PTBP3: variants seen among roughly 807,000 people sequenced by gnomAD.
The protein encoded by PTBP3 is polypyrimidine tract binding protein 3.
Under a neutral mutation model 58.7 loss-of-function variants are expected in PTBP3, and 20 were observed. The ratio of observed to expected loss-of-function variants is 0.34; its 90% CI spans 0.24 to 0.50. The LOEUF is 0.50. Ranked by LOEUF, PTBP3 falls within the 20% of genes least tolerant of loss-of-function variation. PTBP3 has a pLI of 0.98. For missense variants in PTBP3, 509 were observed against 637.2 expected (o/e 0.80, Z 2.17); for synonymous variants, 185 against 219.8 (o/e 0.84, Z 1.40).
At chr9:112,292,316 C>T (rs1828470225) in intron 2 of PTBP3, among the ~76,000 whole-genome samples, 1 of 152,168 alleles carries the variant, frequency 6.6e-6, no homozygotes. Context: ...ACTGAAACCC[C>T]TGTGTACCAC....
At chr9:112,260,741 T>C (rs1836560802) in intron 5 of PTBP3, among the ~76,000 whole-genome samples, 1 of 152,050 alleles carries the variant, frequency 6.6e-6, no homozygotes, top group Non-Finnish European at 1.5e-5. Flanking sequence ...AAGTCTGCAT[T>C]TGGGGGCCTT....
chr9:112,270,018 C>A (rs1827305096), intron 3 of PTBP3, among the ~76,000 whole-genome samples: 1 of 151,116 alleles, frequency 6.6e-6, no homozygotes, highest in Non-Finnish European at 1.5e-5. Flanking sequence ...CATCTCGGCT[C>A]ACTATACCCT....
In PTBP3 at chr9:112,224,744, G is replaced by A. The variant is rs564316903; in HGVS notation, c.1365-534C>T. On this transcript the variant is annotated intron_variant, in intron 12 of 13. Transcript: ENST00000374257. ...ACAGGTATCCTCTGTAAACACTTTG[G>A]ATACTGTAGAAATGACAATGTGTGA... is the stretch of plus-strand genomic sequence containing the variant. Among the ~76,000 whole-genome samples the A allele has an allele frequency of 2.0e-5, 3 of 152,256 alleles. No homozygotes were observed. The South Asian group carries it at 6.2e-4, about 32-fold the overall frequency.
intron 1 of PTBP3, among the ~76,000 whole-genome samples, chr9:112,308,351 T>A (rs1308012821): frequency 1.5e-5 from 2 of 135,142 alleles, no homozygotes; most frequent in South Asian, 2.3e-4. Context: ...TCCTTTTATT[T>A]AAAAAAAAAA....
At chr9:112,282,916 T>C (rs756103259) in intron 2 of PTBP3, among the ~76,000 whole-genome samples, 2 of 152,030 alleles carry the variant, frequency 1.3e-5, no homozygotes, top group African/African-American at 2.4e-5. Flanking sequence ...TGGGGGTGGT[T>C]TCCCCCATGC....
intron 1 of PTBP3, among the ~76,000 whole-genome samples, chr9:112,311,309 T>C (rs1419438560): frequency 1.3e-5 from 2 of 152,196 alleles, no homozygotes; most frequent in South Asian, 2.1e-4. Flanking sequence ...TGTATAAACA[T>C]GTACAGACTT....
intron 2 of PTBP3, among the ~76,000 whole-genome samples, chr9:112,280,757 CTGTG>C (rs936244449): frequency 2.3e-4 from 16 of 69,748 alleles, no homozygotes; most frequent in African/African-American, 6.0e-4. Context: ...ACGTGTGTGT[CTGTG>C]TGTGTATGTG....
intron 7 of PTBP3, among the ~76,000 whole-genome samples, chr9:112,238,106 T>TC (rs1293208307): frequency 3.1e-4 from 47 of 149,982 alleles, no homozygotes; most frequent in Admixed American, 2.4e-3. Flanking sequence ...ATCCCCACCC[T>TC]CCCCCACAAA....
chr9:112,305,643 G>A (rs759071062), intron 1 of PTBP3, among the ~76,000 whole-genome samples: 3 of 152,118 alleles, frequency 2.0e-5, no homozygotes, highest in Non-Finnish European at 4.4e-5. Flanking sequence ...ACCATGCTGT[G>A]AGTATAAGAG....
At position 112,221,752 on chromosome 9, in the gene PTBP3, C is replaced by T. The variant is rs900407571; in HGVS notation, c.*2099G>A. On this transcript the variant is annotated 3_prime_UTR_variant, in exon 14 of 14. Transcript: ENST00000374257. ...CTTAGTATCCCTCCTTTCTATTCTACCAACTAAGTGTTGCTCAGTGGTGAG... is the reference window on the plus strand; with the variant it reads ...CTTAGTATCCCTCCTTTCTATTCTATCAACTAAGTGTTGCTCAGTGGTGAG... The T allele has an allele frequency of 3.0e-6, 3 of 985,182 alleles. No individual in the cohort carries two copies. The highest frequency in any genetic ancestry group is 1.7e-5 in the African/African-American group (1 of 57,360). 61.0% of individuals were successfully genotyped at this position (985,182 alleles called of 1,614,324 possible).
chr9:112,261,398 T>C (rs1340981775), intron 5 of PTBP3, among the ~76,000 whole-genome samples: 1 of 152,246 alleles, frequency 6.6e-6, no homozygotes, highest in East Asian at 1.9e-4. Flanking sequence ...GTATAAGGAC[T>C]GTGGGAAAGT....
chr9:112,225,160 A>G (rs1182297388), intron 12 of PTBP3, among the ~76,000 whole-genome samples: 1 of 152,212 alleles, frequency 6.6e-6, no homozygotes, highest in African/African-American at 2.4e-5. Context: ...GTGACAGTCA[A>G]CTGACTAAAA....
At chr9:112,308,662 A>C (rs1296806519) in intron 1 of PTBP3, among the ~76,000 whole-genome samples, 1 of 152,162 alleles carries the variant, frequency 6.6e-6, no homozygotes, top group Non-Finnish European at 1.5e-5. Flanking sequence ...AGACTGTACC[A>C]CGGGTAAACA....
In PTBP3 at chr9:112,221,666, C is replaced by T. The variant is rs540004244; in HGVS notation, c.*2185G>A. 5 of 985,282 alleles carry T rather than the reference C, an allele frequency of 5.1e-6. No individual in the cohort carries two copies. Among genetic ancestry groups the T allele is most frequent in the South Asian group, 9.4e-5 (2 of 21,284 alleles). 61.0% of individuals were successfully genotyped at this position (985,282 alleles called of 1,614,324 possible). On this transcript the variant is annotated 3_prime_UTR_variant, in exon 14 of 14. Coordinates refer to ENST00000374257, the MANE Select transcript of PTBP3 (RefSeq NM_001163788.4). ...AAAAACAAAAAACTAAAAACTCCCA[C>T]AACTACATACATGAGTATATCTATC...
chr9:112,249,239 G>A lies in PTBP3; in HGVS notation c.802+1690C>T, dbSNP rs190236545. 1.4e-4 allele frequency among the ~76,000 whole-genome samples: 22 copies of A among 152,182 alleles called. No homozygotes were observed. The East Asian group carries it at 2.1e-3, about 15-fold the overall frequency. ...ACAAAAGTGATGAAGAAAGGTACAC[G>A]GGGTGCTTCTTCAGTATGTATAAAT... On this transcript the variant is annotated intron_variant, in intron 7 of 13. Coordinates refer to ENST00000374257, the MANE Select transcript of PTBP3 (RefSeq NM_001163788.4).
intron 1 of PTBP3, among the ~76,000 whole-genome samples, chr9:112,312,437 C>T (rs935107762): frequency 2.8e-5 from 4 of 145,046 alleles, no homozygotes; most frequent in Non-Finnish European, 6.0e-5. Context: ...ATCAAGGCTG[C>T]TGTGATCTGT....
chr9:112,351,605 T>G, the PTBP3 span, among the ~76,000 whole-genome samples: 1 of 152,246 alleles, frequency 6.6e-6, no homozygotes, highest in Admixed American at 6.5e-5. Flanking sequence ...ACATAAATTA[T>G]TTAGAATTCT....
At chr9:112,224,416 A>C (rs981762337) in intron 12 of PTBP3, among the ~76,000 whole-genome samples, 2 of 152,254 alleles carry the variant, frequency 1.3e-5, no homozygotes, top group African/African-American at 4.8e-5. Context: ...ATCCTTGCAG[A>C]AGACATGTGC....
chr9:112,231,446 CAATTTAAGTAA>C, intron 9 of PTBP3, 33 bp from the exon 10 acceptor site: 1 of 1,522,602 alleles, frequency 6.6e-7, no homozygotes, highest in African/African-American at 1.4e-5. Context: ...AAGTGTCTGA[CAATTTAAGTAA>C]AAATTGAAAA....
Sources: gnomAD v4.1 joint callset for allele counts (sites outside exome capture counted in the v4.1 genomes callset) on GRCh38, gnomAD v4.1.1 for gene constraint, MANE v1.5 for transcripts, NCBI Gene and HGNC (gene_info 2026-07-23, HGNC 2026-07-21) for gene names.